IST1: variants seen among roughly 807,000 people sequenced by gnomAD.
IST1 encodes the protein IST1 factor associated with ESCRT-III.
IST1 carries 23 observed loss-of-function variants against 37.0 expected under a neutral mutation model. That is an observed-to-expected ratio of 0.62 (90% CI 0.45 to 0.88). The LOEUF (loss-of-function observed/expected upper bound fraction) is 0.88, where lower values mean the gene tolerates loss of function less well. Ranked by LOEUF, IST1 falls within the 40% of genes least tolerant of loss-of-function variation. The probability of loss-of-function intolerance (pLI) is 0.00; values close to 1 mark genes in which losing one functional copy is unlikely to be tolerated. For synonymous variants in IST1, 180 were observed against 161.7 expected (o/e 1.11, Z -0.86); for missense variants, 488 against 445.4 (o/e 1.10, Z -0.86).
chr16:71,901,962 T>C (rs950431020), intron 1 of IST1, among the ~76,000 whole-genome samples: 1 of 152,184 alleles, frequency 6.6e-6, no homozygotes, highest in Non-Finnish European at 1.5e-5. Flanking sequence ...AAAGCATGCC[T>C]TAAACATCTT....
intron 1 of IST1, 21 bp downstream of exon 1, chr16:71,895,610 G>C (rs1356740915): frequency 2.3e-5 from 22 of 942,252 alleles, no homozygotes; most frequent in Non-Finnish European, 2.5e-5. Flanking sequence ...CATCCTCGGC[G>C]TCAGAGGTCT....
intron 9 of IST1, 43 bp downstream of exon 9, chr16:71,924,860 C>G: frequency 7.5e-7 from 1 of 1,341,844 alleles, no homozygotes; most frequent in Non-Finnish European, 1.1e-6. Context: ...CAGTGCTGAA[C>G]CCTCTGCTGT....
rs1031254115 is a variant in IST1, at chr16:71,928,457, C to G, written c.*644C>G. Reference sequence around the variant, plus strand: ...CAGTTGAAGGCCTCGCTTAGTTGTACTGGATTCTCAGGGAGCCCTCTGTGG... The same window carrying G: ...CAGTTGAAGGCCTCGCTTAGTTGTAGTGGATTCTCAGGGAGCCCTCTGTGG... On this transcript the variant is annotated 3_prime_UTR_variant, in exon 10 of 10. Coordinates refer to ENST00000378799, the MANE Select transcript of IST1 (RefSeq NM_001270975.2). The G allele has an allele frequency of 1.4e-4, 22 of 152,946 alleles. No homozygotes were observed. The highest frequency in any genetic ancestry group is 5.3e-4 in the African/African-American group (22 of 41,456). The allele number at this position is 152,946 out of a possible 1,614,324, so 9.5% of individuals were successfully genotyped here. A position where few individuals can be genotyped will look rare whatever the true frequency, so the allele number is the denominator to read the frequency against.
chr16:71,917,738 C>T (rs1008454947), intron 4 of IST1, among the ~76,000 whole-genome samples: 2 of 152,122 alleles, frequency 1.3e-5, no homozygotes, highest in African/African-American at 4.8e-5. Context: ...ATCTCTCAAC[C>T]CATCTACTGA....
intron 1 of IST1, among the ~76,000 whole-genome samples, chr16:71,899,554 A>G (rs1401994659): frequency 1.3e-5 from 2 of 151,804 alleles, no homozygotes; most frequent in African/African-American, 2.4e-5. Context: ...AATTTGTTCA[A>G]ATTACTTCTT....
At chr16:71,906,553 G>C (rs1257687070) in intron 1 of IST1, among the ~76,000 whole-genome samples, 1 of 151,626 alleles carries the variant, frequency 6.6e-6, no homozygotes, top group African/African-American at 2.4e-5. Flanking sequence ...GACCCCAGGT[G>C]ATCCCACCTG....
intron 5 of IST1, chr16:71,921,088 G>A: frequency 1.7e-6 from 1 of 600,020 alleles, no homozygotes; most frequent in South Asian, 1.9e-5. Flanking sequence ...TGGGGAGAAG[G>A]GTGGATGAAT....
rs1179433862 is a variant in IST1, at chr16:71,929,498, A to G, written c.*1685A>G. 1 of 1,510,202 alleles carries G rather than the reference A, an allele frequency of 6.6e-7. No individual in the cohort carries two copies. Among genetic ancestry groups the G allele is most frequent in the Non-Finnish European group, 8.9e-7 (1 of 1,126,006 alleles). 93.6% of individuals were successfully genotyped at this position (1,510,202 alleles called of 1,614,324 possible). A position where few individuals can be genotyped will look rare whatever the true frequency, so the allele number is the denominator to read the frequency against. ...CTATGCCATGCAAAGATAAGTAGTA[A>G]TACGCTAATAAATACTAAGCCAAGT... On this transcript the variant is annotated 3_prime_UTR_variant, in exon 10 of 10. Coordinates refer to ENST00000378799, the MANE Select transcript of IST1 (RefSeq NM_001270975.2).
upstream of IST1, chr16:71,895,157 G>A (rs1479349193): frequency 3.8e-6 from 1 of 264,560 alleles, no homozygotes; most frequent in East Asian, 9.3e-5. Flanking sequence ...CCCGGCGTCA[G>A]AGAGGCGGTA....
chr16:71,923,043 G>A (rs936324922), intron 7 of IST1: 3 of 466,172 alleles, frequency 6.4e-6, no homozygotes, highest in Admixed American at 7.9e-5. Context: ...AGAAAGTCTC[G>A]TTAGAGTTTT....
intron 4 of IST1, 145 bp downstream of exon 4, chr16:71,917,279 C>G (rs955886264): frequency 1.0e-4 from 59 of 568,860 alleles, no homozygotes; most frequent in Non-Finnish European, 1.2e-4. Flanking sequence ...ATTTGTTTCT[C>G]CCTTTCAGCC....
At chr16:71,919,490 C>A (rs759974490) in intron 4 of IST1, among the ~76,000 whole-genome samples, 30 of 152,200 alleles carry the variant, frequency 2.0e-4, no homozygotes, top group Non-Finnish European at 7.4e-5. Flanking sequence ...CTCAACTGAT[C>A]ATCCTCCCAC....
rs72801788 is a variant in IST1 at position 71,922,602 on chromosome 16, G to T, written c.681G>T (p.Thr227=). 4 of 1,600,512 alleles carry T rather than the reference G, an allele frequency of 2.5e-6. No individual in the cohort carries two copies. The highest frequency in any genetic ancestry group is 1.7e-4 in the Middle Eastern group (1 of 6,032). ...CACCAGTTGGTGGACCTGATGGAAC[G>T]GTGCCAATGCCCATGCCCATGCCCA... The part of the protein sequence containing the change: ...FTAPVGGPDG[T]VPMPMPMPMP... Residue 227 remains threonine, a synonymous_variant, in exon 7 of 10, where the codon ACG becomes ACT. Coordinates refer to ENST00000378799, the MANE Select transcript of IST1 (RefSeq NM_001270975.2).
intron 1 of IST1, among the ~76,000 whole-genome samples, chr16:71,906,653 T>G (rs1351178543): frequency 6.6e-6 from 1 of 152,124 alleles, no homozygotes; most frequent in African/African-American, 2.4e-5. Flanking sequence ...GGTGACAAAT[T>G]CTCTTACTAG....
intron 9 of IST1, among the ~76,000 whole-genome samples, chr16:71,925,881 CAGTGAGTGATCATTGT>C (rs2037730339): frequency 6.6e-6 from 1 of 152,154 alleles, no homozygotes; most frequent in Non-Finnish European, 1.5e-5. Context: ...TTCAAGATTA[CAGTGAGTGATCATTGT>C]ACTCCAGCCT....
At chr16:71,926,767 G>A (rs1206888505) in intron 9 of IST1, among the ~76,000 whole-genome samples, 1 of 152,028 alleles carries the variant, frequency 6.6e-6, no homozygotes, top group African/African-American at 2.4e-5. Context: ...CAGAGTCAGA[G>A]CACTATTTTG....
At chr16:71,901,429 G>T (rs749974564) in intron 1 of IST1, among the ~76,000 whole-genome samples, 2 of 152,136 alleles carry the variant, frequency 1.3e-5, no homozygotes, top group Non-Finnish European at 2.9e-5. Flanking sequence ...TAGCCAGAAT[G>T]GTCTCGATCT....
intron 1 of IST1, among the ~76,000 whole-genome samples, chr16:71,908,813 A>G (rs2142547176): frequency 6.6e-6 from 1 of 152,294 alleles, no homozygotes; most frequent in Middle Eastern, 3.4e-3. Flanking sequence ...GCTGGGGAAC[A>G]TCAGAGGGAA....
chr16:71,929,725 T>C lies in IST1; in HGVS notation c.*1912T>C. On this transcript the variant is annotated 3_prime_UTR_variant, in exon 10 of 10. Transcript: ENST00000378799. ...AGAAAAGTGAGAAAATTGAAATTACTGCTAATAGTGGAGTAAAAAAAGTAC... is the reference window on the plus strand; with the variant it reads ...AGAAAAGTGAGAAAATTGAAATTACCGCTAATAGTGGAGTAAAAAAAGTAC... 1 of 1,460,412 alleles carries C rather than the reference T, an allele frequency of 6.8e-7. No homozygotes were observed. The highest frequency in any genetic ancestry group is 1.3e-5 in the South Asian group (1 of 75,918). 90.5% of individuals were successfully genotyped at this position (1,460,412 alleles called of 1,614,324 possible). A position where few individuals can be genotyped will look rare whatever the true frequency, so the allele number is the denominator to read the frequency against.
Sources: gnomAD v4.1 joint callset for allele counts (sites outside exome capture counted in the v4.1 genomes callset) on GRCh38, gnomAD v4.1.1 for gene constraint, MANE v1.5 for transcripts, NCBI Gene and HGNC (gene_info 2026-07-23, HGNC 2026-07-21) for gene names.